PISD: variants seen among roughly 807,000 people sequenced by gnomAD.
PISD encodes phosphatidylserine decarboxylase proenzyme, mitochondrial.
In PISD, 31 loss-of-function variants were observed where a neutral mutation model predicts 43.5. That is an observed-to-expected ratio of 0.71 (90% confidence interval 0.54 to 0.96). The LOEUF (loss-of-function observed/expected upper bound fraction) is 0.96, where lower values mean the gene tolerates loss of function less well. Ranked by LOEUF, PISD falls within the 40% of genes least tolerant of loss-of-function variation. PISD has a pLI of 0.00. For synonymous variants in PISD, 259 were observed against 228.7 expected, an observed-to-expected ratio of 1.13 and a Z score of -1.20; for missense variants, 523 against 548.4, an observed-to-expected ratio of 0.95 and a Z score of 0.46.
intron 5 of PISD, 23 bp downstream of exon 5, chr22:31,621,311 G>C (rs770513175): frequency 1.2e-6 from 2 of 1,613,662 alleles, no homozygotes; most frequent in Non-Finnish European, 1.7e-6. Flanking sequence ...GGGCTGCCTA[G>C]CCCCGCCTGT....
At chr22:31,654,447 G>C (rs1263543639) in intron 1 of PISD, among the ~76,000 whole-genome samples, 4 of 152,046 alleles carry the variant, frequency 2.6e-5, no homozygotes, top group Non-Finnish European at 5.9e-5. Flanking sequence ...TGCTCCTCCA[G>C]GGGCCAGCTA....
chr22:31,641,774 C>T (rs577021497), intron 3 of PISD, among the ~76,000 whole-genome samples: 22 of 151,072 alleles, frequency 1.5e-4, no homozygotes, highest in African/African-American at 5.4e-4. Flanking sequence ...GAGCTGAGAT[C>T]GCGCCACTGC....
chr22:31,640,144 G>A (rs542433275), intron 3 of PISD, among the ~76,000 whole-genome samples: 1 of 152,050 alleles, frequency 6.6e-6, no homozygotes, highest in East Asian at 1.9e-4. Flanking sequence ...GAACACTCTG[G>A]GTCTTCAACC....
chr22:31,638,448 G>C, intron 3 of PISD: 1 of 984,124 alleles, frequency 1.0e-6, no homozygotes, highest in Non-Finnish European at 1.2e-6. Flanking sequence ...GATGAAGGGG[G>C]ATGAAGTGGG....
At chr22:31,620,944 C>T (rs889834440) in intron 6 of PISD, 52 bp downstream of exon 6, 1 of 1,559,212 alleles carries the variant, frequency 6.4e-7, no homozygotes, top group Non-Finnish European at 8.7e-7. Flanking sequence ...AGCTGAGAGC[C>T]TCTATATGAA....
chr22:31,657,140 T>C (rs1452773875), intron 1 of PISD, among the ~76,000 whole-genome samples: 1 of 152,156 alleles, frequency 6.6e-6, no homozygotes, highest in Non-Finnish European at 1.5e-5. Context: ...TTTTAGTGTT[T>C]TGTTTTGTTT....
intron 7 of PISD, among the ~76,000 whole-genome samples, chr22:31,620,091 T>C (rs1326288250): frequency 1.3e-5 from 2 of 152,208 alleles, no homozygotes; most frequent in Admixed American, 6.5e-5. Context: ...TCTCCATGCA[T>C]GGTGCTGGGA....
At position 31,620,586 on chromosome 22, in the gene PISD, G is replaced by C; in HGVS notation, c.972C>G (p.Thr324=). 1 of 1,614,220 alleles carries C rather than the reference G, an allele frequency of 6.2e-7. No homozygotes were observed. Among genetic ancestry groups the C allele is most frequent in the Non-Finnish European group, 8.5e-7 (1 of 1,180,034 alleles). Residue 324 remains threonine (T), a synonymous_variant, in exon 7 of 8, where the codon ACC becomes ACG. Transcript: ENST00000439502. ...AGTAGATGCGAATGGAGCCCACGTT[G>C]GTGGCCCCCACAGCTGTCAGTGAGA... ...GFFSLTAVGA[T]NVGSIRIYFD... is the part of the protein sequence containing the mutation.
At chr22:31,656,758 A>C (rs2074191339) in intron 1 of PISD, among the ~76,000 whole-genome samples, 1 of 151,796 alleles carries the variant, frequency 6.6e-6, no homozygotes, top group Non-Finnish European at 1.5e-5. Flanking sequence ...CTTCCTCCTC[A>C]CTCACTCCTC....
chr22:31,630,845 C>A lies in PISD; in HGVS notation c.322-8960G>T, dbSNP rs548082060. 3.7e-5 allele frequency: 36 copies of A among 985,350 alleles called. No individual in the cohort carries two copies. Among genetic ancestry groups the A allele is most frequent in the Admixed American group, 6.1e-5 (1 of 16,272 alleles). 61.0% of individuals were successfully genotyped at this position (985,350 alleles called of 1,614,324 possible). A position where few individuals can be genotyped will look rare whatever the true frequency, so the allele number is the denominator to read the frequency against. ...CTTCCGGGCTCCGACTCCCTAGGGG[C>A]GCTCCCGGAGCCGGGAAGCCTTGGG... On this transcript the variant is annotated intron_variant, in intron 3 of 7. Coordinates refer to ENST00000439502, the MANE Select transcript of PISD (RefSeq NM_001326411.2). The surrounding 1 kb of genome is among the most constrained non-coding windows in gnomAD (Gnocchi z 4.4).
intron 3 of PISD, among the ~76,000 whole-genome samples, chr22:31,622,993 C>T (rs776305816): frequency 5.9e-5 from 9 of 152,240 alleles, no homozygotes; most frequent in Non-Finnish European, 1.0e-4. Context: ...TGCCCAGTCA[C>T]ACAGAAGGGC....
At chr22:31,662,077 T>C in intron 1 of PISD, 67 bp downstream of exon 1, 2 of 1,403,256 alleles carry the variant, frequency 1.4e-6, no homozygotes, top group Non-Finnish European at 2.0e-6. Flanking sequence ...CAGAAACATC[T>C]CTCTTCAGAC....
chr22:31,650,208 T>C lies in PISD; in HGVS notation c.145+491A>G, dbSNP rs575460363. 3.3e-5 allele frequency among the ~76,000 whole-genome samples: 5 copies of C among 152,236 alleles called. No individual in the cohort carries two copies. In the South Asian group the frequency reaches 8.3e-4, roughly 25 times the overall value. ...AAAGACATAATGAGGCCGGGCACGG[T>C]GGCTCAGGCCTGTAATGCCAACACT... On this transcript the variant is annotated intron_variant, in intron 2 of 7. Transcript: ENST00000439502.
At chr22:31,629,284 G>A (rs2073073753) in intron 3 of PISD, 1 of 937,250 alleles carries the variant, frequency 1.1e-6, no homozygotes, top group Non-Finnish European at 1.3e-6. Flanking sequence ...GGATACGTGT[G>A]CAGGTGCAAG....
At chr22:31,659,394 A>G (rs192745777) in intron 1 of PISD, among the ~76,000 whole-genome samples, 58 of 152,028 alleles carry the variant, frequency 3.8e-4, no homozygotes, top group Non-Finnish European at 1.3e-4. Context: ...TCCCTTCTCT[A>G]TGGTCCGTTG....
intron 3 of PISD, chr22:31,626,044 C>G: frequency 7.0e-7 from 1 of 1,425,188 alleles, no homozygotes; most frequent in South Asian, 1.5e-5. Context: ...GCACTGGTCA[C>G]ACACCTGCTC....
intron 1 of PISD, among the ~76,000 whole-genome samples, chr22:31,652,139 T>TTGTG (rs370054504): frequency 3.3e-5 from 5 of 151,150 alleles, no homozygotes; most frequent in African/African-American, 1.2e-4. Flanking sequence ...GTTATGTCTT[T>TTGTG]TGTGTGTGTG....
chr22:31,632,231 T>C, intron 3 of PISD: 5 of 985,262 alleles, frequency 5.1e-6, no homozygotes, highest in Non-Finnish European at 6.0e-6. Context: ...AGCCCTGGGA[T>C]GCGGCAGGGG....
Position 31,638,275 on chromosome 22 carries a change from C to G in PISD, c.321+9826G>C. On this transcript the variant is annotated intron_variant, in intron 3 of 7. Transcript: ENST00000439502. ...ACAGCTCAGGCCCAAAGATGTGGGGCAGGTCCAGTCACAACAGCAGCCCCA... is the reference window on the plus strand; with the variant it reads ...ACAGCTCAGGCCCAAAGATGTGGGGGAGGTCCAGTCACAACAGCAGCCCCA... 3 of 611,866 alleles carry G rather than the reference C, an allele frequency of 4.9e-6. No homozygotes were observed. In the South Asian group the frequency reaches 2.2e-4, roughly 45 times the overall value. The allele number at this position is 611,866 out of a possible 1,614,324, so 37.9% of individuals were successfully genotyped here.
Sources: allele counts gnomAD v4.1 joint callset (sites outside exome capture counted in the v4.1 genomes callset), GRCh38; gene constraint gnomAD v4.1.1; non-coding constraint Gnocchi (gnomAD v3.1); transcripts MANE v1.5; gene names NCBI Gene and HGNC (gene_info 2026-07-23, HGNC 2026-07-21).